ABCA3: variants seen among roughly 807,000 people sequenced by gnomAD.
ABCA3 encodes phospholipid-transporting ATPase ABCA3.
ABCA3 carries 88 observed loss-of-function variants against 172.8 expected under a neutral mutation model. The observed-to-expected ratio is 0.51, with a 90% CI of 0.43 to 0.61. The LOEUF (loss-of-function observed/expected upper bound fraction) is 0.61, where lower values mean the gene tolerates loss of function less well. Among genes scored for constraint, ABCA3 ranks in the 20% least tolerant of loss-of-function variants. The pLI is 0.00. For synonymous variants in ABCA3, 1,066 were observed against 983.8 expected (o/e 1.08, Z -1.56); for missense variants, 2,164 against 2,301.0 (o/e 0.94, Z 1.22).
At chr16:2,334,959 G>T (rs1260161446) in intron 1 of ABCA3, among the ~76,000 whole-genome samples, 2 of 151,652 alleles carry the variant, frequency 1.3e-5, no homozygotes, top group Non-Finnish European at 2.9e-5. Flanking sequence ...GACCTGAGTG[G>T]CTGGGATTAC....
At chr16:2,299,621 A>C in intron 13 of ABCA3, 89 bp from the exon 14 acceptor site, 6 of 1,588,094 alleles carry the variant, frequency 3.8e-6, no homozygotes, top group Non-Finnish European at 5.1e-6. Context: ...CGACCGTCTC[A>C]GAAGGAACCA....
chr16:2,317,359 C>T lies in ABCA3; in HGVS notation c.1035G>A (p.Leu345=). Residue 345 remains leucine (L), a synonymous_variant, in exon 10 of 33, where the codon CTG becomes CTA. Transcript: ENST00000301732. Reference sequence around the variant, plus strand: ...CGAAGCACAGCAGGAAGGCGAGCACCAGGGAGGGGTCGCTGCGGGACAGCA... The same window carrying T: ...CGAAGCACAGCAGGAAGGCGAGCACTAGGGAGGGGTCGCTGCGGGACAGCA... The part of the protein sequence containing the change: ...VAVLSRSDPS[L]VLAFLLCFAI... 6.2e-7 allele frequency: 1 copy of T among 1,614,058 alleles called. No homozygotes were observed. Among genetic ancestry groups the T allele is most frequent in the Non-Finnish European group, 8.5e-7 (1 of 1,180,034 alleles).
At chr16:2,306,319 T>C (rs1332465883) in intron 11 of ABCA3, among the ~76,000 whole-genome samples, 22 of 152,030 alleles carry the variant, frequency 1.4e-4, no homozygotes, top group Admixed American at 1.4e-3. Context: ...AGTAAGACCC[T>C]ATCTCCAAAA....
intron 5 of ABCA3, 147 bp downstream of exon 5, chr16:2,325,863 G>T: frequency 9.2e-7 from 1 of 1,089,240 alleles, no homozygotes; most frequent in Non-Finnish European, 1.4e-6. Context: ...ACAGGTTGAA[G>T]TAGTGATGCG....
chr16:2,319,487 A>AT, intron 8 of ABCA3, 94 bp downstream of exon 8: 1 of 1,514,900 alleles, frequency 6.6e-7, no homozygotes, highest in Non-Finnish European at 8.8e-7. Context: ...TCCAACTCAA[A>AT]AAAAAAAAAA....
At chr16:2,305,831 A>AT (rs1457909249) in intron 11 of ABCA3, among the ~76,000 whole-genome samples, 1 of 151,836 alleles carries the variant, frequency 6.6e-6, no homozygotes, top group African/African-American at 2.4e-5. Context: ...TGCCTCGGCC[A>AT]TAAGTCTTTT....
Position 2,324,498 on chromosome 16 carries a change from T to A in ABCA3, c.353A>T (p.Asp118Val). 6.2e-7 allele frequency: 1 copy of A among 1,610,336 alleles called. No individual in the cohort carries two copies. The highest frequency in any genetic ancestry group is 8.5e-7 in the Non-Finnish European group (1 of 1,179,844). Residue 118 changes from aspartate (D) to valine (V), a missense_variant, in exon 6 of 33, where the codon GAC becomes GTC. By Grantham distance (152) the Asp-to-Val change is radical. This residue lies in a region of ABCA3 where 1,343 missense variants were observed against 1,369.6 expected (regional missense o/e 0.98). Coordinates refer to ENST00000301732, the MANE Select transcript of ABCA3 (RefSeq NM_001089.3). The part of the protein sequence containing the change: ...RGFPSEKDFE[D>V]YIRYDNCSSS... ...CGAGCAGTTGTCGTACCTAATGTAG[T>A]CCTCAAAGTCCTTCTCGGAGGGAAA...
At chr16:2,295,952 G>C (rs998260502) in intron 17 of ABCA3, among the ~76,000 whole-genome samples, 5 of 152,218 alleles carry the variant, frequency 3.3e-5, no homozygotes, top group Admixed American at 6.5e-5. Flanking sequence ...GAGCTGCTGG[G>C]GATCTAGGGT....
intron 11 of ABCA3, 95 bp downstream of exon 11, chr16:2,308,355 C>A (rs1228281108): frequency 6.7e-7 from 1 of 1,501,308 alleles, no homozygotes; most frequent in Non-Finnish European, 9.2e-7. Context: ...TGCCAACCGT[C>A]CCAGGTGGAG....
chr16:2,281,250 T>C lies in ABCA3; in HGVS notation c.4165-29A>G. ...CAGGCACCCAACAGAAAACACGGAA[T>C]GCGGAGGCCTGGACGCAAAGCAGAG... On this transcript the variant is annotated intron_variant, in intron 27 of 32. Transcript: ENST00000301732. This position sits in a 1 kb window ranked among gnomAD's most constrained non-coding sequence, Gnocchi z 4.7. The C allele has an allele frequency of 1.9e-6, 3 of 1,613,174 alleles. No individual in the cohort carries two copies. Among genetic ancestry groups the C allele is most frequent in the South Asian group, 2.2e-5 (2 of 91,084 alleles).
chr16:2,285,555 C>T lies in ABCA3; in HGVS notation c.3370G>A (p.Ala1124Thr). The T allele has an allele frequency of 6.3e-7, 1 of 1,588,378 alleles. No homozygotes were observed. Among genetic ancestry groups the T allele is most frequent in the South Asian group, 1.1e-5 (1 of 87,464 alleles). The stretch of plus-strand genomic sequence containing the variant: ...AACTGCACATGCTTGGCCTGCACGG[C>T]CCTCTCGCTGACCGCCAGGATGGAG... Reference protein sequence around the residue: ...TFSILAVSERAVQAKHVQFVS... With the variant: ...TFSILAVSERTVQAKHVQFVS... Residue 1124 changes from alanine to threonine, a missense_variant, in exon 23 of 33, where the codon GCC (alanine) becomes ACC (threonine). Transcript: ENST00000301732. The surrounding 1 kb of genome is among the most constrained non-coding windows in gnomAD (Gnocchi z 4.7).
Position 2,285,649 on chromosome 16 carries a change from G to T in ABCA3, c.3279-3C>A. On this transcript the variant is annotated splice_polypyrimidine_tract_variant and splice_region_variant and intron_variant, in intron 22 of 32. Coordinates refer to ENST00000301732, the MANE Select transcript of ABCA3 (RefSeq NM_001089.3). The surrounding 1 kb of genome is among the most constrained non-coding windows in gnomAD (Gnocchi z 4.7). ...CAATGTCGAATCCCTTCCGGCCCCTGCGGGGGACAGAGAAGGTCAGGGACG... is the reference window on the plus strand; with the variant it reads ...CAATGTCGAATCCCTTCCGGCCCCTTCGGGGGACAGAGAAGGTCAGGGACG... 1.3e-6 allele frequency: 2 copies of T among 1,551,814 alleles called. No individual in the cohort carries two copies. Among genetic ancestry groups the T allele is most frequent in the Non-Finnish European group, 1.7e-6 (2 of 1,147,170 alleles).
chr16:2,317,851 TCCGACTGTCCCAGCAGC>T, intron 8 of ABCA3, 87 bp from the exon 9 acceptor site: 1 of 1,212,952 alleles, frequency 8.2e-7, no homozygotes, highest in Non-Finnish European at 1.2e-6. Context: ...CAGGCCTGAG[TCCGACTGTCCCAGCAGC>T]CCTGCATTCG....
chr16:2,314,467 G>T (rs323068), intron 10 of ABCA3, among the ~76,000 whole-genome samples: 1 of 151,478 alleles, frequency 6.6e-6, no homozygotes, highest in African/African-American at 2.4e-5. Context: ...GGGGGGTGGG[G>T]GAGTCAGTGT....
chr16:2,319,990 C>T (rs966631766), intron 7 of ABCA3, 150 bp from the exon 8 acceptor site: 16 of 938,016 alleles, frequency 1.7e-5, no homozygotes, highest in South Asian at 5.7e-5. Context: ...AGTGGTCCCA[C>T]GGGAGAAGGA....
Position 2,298,186 on chromosome 16 carries a change from G to A in ABCA3, c.1896+200C>T, listed in dbSNP as rs2093683131. On this transcript the variant is annotated intron_variant, in intron 15 of 32. Coordinates refer to ENST00000301732, the MANE Select transcript of ABCA3 (RefSeq NM_001089.3). ...AACCTCTCCTTGACGTAGCTGGGGA[G>A]ATGCAGGGCTCCTGGCGGGAGGCCG... 2.1e-5 allele frequency among the ~76,000 whole-genome samples: 3 copies of A among 143,750 alleles called. 1 individual carries two copies. The Admixed American group carries it at 2.2e-4, about 11-fold the overall frequency. The allele number at this position is 143,750 out of a possible 152,430, so 94.3% of individuals were successfully genotyped here.
intron 7 of ABCA3, among the ~76,000 whole-genome samples, chr16:2,320,378 G>C (rs924184494): frequency 6.7e-6 from 1 of 148,450 alleles, no homozygotes; most frequent in Non-Finnish European, 1.5e-5. Context: ...GATTACAGGC[G>C]TGAGCCACTG....
rs113939221 is a variant in ABCA3 at position 2,327,690 on chromosome 16, C to A, written c.-27+763G>T. ...ATTACAGGTACTGGCATCAGAGCCT[C>A]GCAGCAAAAAGACTAGCCATTTTCT... On this transcript the variant is annotated intron_variant, in intron 3 of 32. Transcript: ENST00000301732. 3.5e-3 allele frequency among the ~76,000 whole-genome samples: 533 copies of A among 152,190 alleles called. 3 individuals carry two copies. Among genetic ancestry groups the A allele is most frequent in the African/African-American group, 0.012 (499 of 41,538 alleles).
chr16:2,332,351 G>A (rs2093744652), intron 1 of ABCA3: 1 of 773,670 alleles, frequency 1.3e-6, no homozygotes, highest in African/African-American at 1.7e-5. Flanking sequence ...CAGGCACCAG[G>A]GCTTCTAAAC....
Sources: allele counts gnomAD v4.1 joint callset (sites outside exome capture counted in the v4.1 genomes callset), GRCh38; gene constraint gnomAD v4.1.1; regional missense constraint gnomAD v4.1.1; non-coding constraint Gnocchi (gnomAD v3.1); transcripts MANE v1.5; gene names NCBI Gene and HGNC (gene_info 2026-07-23, HGNC 2026-07-21).